Variants in MYO16 observed in about 807,000 individuals in gnomAD.
The protein encoded by MYO16 is myosin XVI.
In MYO16, 94 loss-of-function variants were observed where a neutral mutation model predicts 205.3. The ratio of observed to expected loss-of-function variants is 0.46; its 90% CI spans 0.39 to 0.54. The LOEUF (loss-of-function observed/expected upper bound fraction) is 0.54, where lower values mean the gene tolerates loss of function less well. MYO16 is among the 20% of genes least tolerant of loss of function. The probability of loss-of-function intolerance (pLI) is 0.00; values close to 1 mark genes in which losing one functional copy is unlikely to be tolerated. For missense variants in MYO16, 2,315 were observed against 2,387.5 expected (o/e 0.97, Z 0.63); for synonymous variants, 988 against 954.0 (o/e 1.04, Z -0.66).
chr13:109,016,787 C>CT (rs200548631), intron 22 of MYO16, among the ~76,000 whole-genome samples: 5,180 of 151,268 alleles, frequency 0.034, 117 homozygotes, highest in Non-Finnish European at 0.051. Context: ...GCAAATGCTG[C>CT]TTTTTTTGTT....
intron 27 of MYO16, among the ~76,000 whole-genome samples, chr13:109,068,818 T>C (rs1044625923): frequency 3.3e-5 from 5 of 152,208 alleles, no homozygotes; most frequent in African/African-American, 1.2e-4. Context: ...CTCAAACTCC[T>C]GACCTCAGGT....
chr13:108,690,834 T>C (rs1882867311), intron 2 of MYO16, among the ~76,000 whole-genome samples: 1 of 152,198 alleles, frequency 6.6e-6, no homozygotes, highest in African/African-American at 2.4e-5. Flanking sequence ...AATAGTATCA[T>C]AGCCCCACAA....
At chr13:108,780,006 C>A (rs575358043) in intron 4 of MYO16, 2 of 152,278 alleles carry the variant, frequency 1.3e-5, no homozygotes, top group South Asian at 4.1e-4. Context: ...AAGCACCTAG[C>A]CATAAATTGC....
At chr13:109,089,131 A>G (rs1013041431) in intron 27 of MYO16, among the ~76,000 whole-genome samples, 6 of 152,136 alleles carry the variant, frequency 3.9e-5, no homozygotes, top group African/African-American at 1.4e-4. Flanking sequence ...AATTTAAGGC[A>G]AAAGCAATCA....
intron 16 of MYO16, among the ~76,000 whole-genome samples, chr13:108,938,444 C>T (rs978256119): frequency 6.6e-6 from 1 of 152,248 alleles, no homozygotes; most frequent in Non-Finnish European, 1.5e-5. Flanking sequence ...CACAGGTCCC[C>T]TCTTGGCAGG....
At chr13:108,645,375 G>A (rs988012960) in intron 1 of MYO16, among the ~76,000 whole-genome samples, 4 of 152,156 alleles carry the variant, frequency 2.6e-5, no homozygotes, top group Admixed American at 1.3e-4. Context: ...CAGTGTCTAC[G>A]ATAGTTTGCA....
chr13:108,972,482 C>T (rs1040229298), intron 20 of MYO16, among the ~76,000 whole-genome samples: 6 of 141,664 alleles, frequency 4.2e-5, no homozygotes. Context: ...AGATGACTCA[C>T]ATGGTGGACA....
intron 4 of MYO16, among the ~76,000 whole-genome samples, chr13:108,751,214 CAG>C (rs945353491): frequency 6.6e-6 from 1 of 151,930 alleles, no homozygotes; most frequent in African/African-American, 2.4e-5. Flanking sequence ...CAAACAAAAA[CAG>C]GGATTTTTGG....
chr13:108,902,198 A>G (rs929056134), intron 15 of MYO16, among the ~76,000 whole-genome samples: 3 of 152,184 alleles, frequency 2.0e-5, no homozygotes, highest in Non-Finnish European at 4.4e-5. Context: ...AGAAGCTGCC[A>G]TGGAACATCC....
Position 109,052,459 on chromosome 13 carries a change from AT to A in MYO16, c.3033del (p.Leu1012Ter). On this transcript the variant is annotated frameshift_variant, in exon 25 of 35. Coordinates refer to ENST00000457511, the MANE Select transcript of MYO16 (RefSeq NM_001198950.3). LOFTEE classifies it high-confidence loss of function. ...TCAATTATTGGAGAAAACAAGAATT[AT>A]CTAGAACTTAGTAAGGTAGGAGTTT... The part of the protein sequence containing the change: ...ASSIIGENKN[Y>X]LELSKLLKKK... The A allele has an allele frequency of 6.2e-7, 1 of 1,606,668 alleles. No homozygotes were observed. Among genetic ancestry groups the A allele is most frequent in the African/African-American group, 1.3e-5 (1 of 74,764 alleles).
At chr13:108,504,462 ACT>A in the MYO16 span, among the ~76,000 whole-genome samples, 1 of 150,996 alleles carries the variant, frequency 6.6e-6, no homozygotes, top group African/African-American at 2.4e-5. Flanking sequence ...CAAAGCCGAA[ACT>A]CTACACCCAT....
intron 15 of MYO16, among the ~76,000 whole-genome samples, chr13:108,904,050 C>A (rs1180763854): frequency 2.0e-5 from 3 of 152,124 alleles, no homozygotes; most frequent in Non-Finnish European, 2.9e-5. Flanking sequence ...TTCATTGTTA[C>A]TATTAGTTAC....
intron 6 of MYO16, among the ~76,000 whole-genome samples, chr13:108,794,353 T>C (rs551135401): frequency 6.6e-6 from 1 of 152,242 alleles, no homozygotes; most frequent in Non-Finnish European, 1.5e-5. Context: ...AAATGCAAAA[T>C]GCTTATGCCA....
chr13:109,007,007 A>G (rs924282374), intron 21 of MYO16, among the ~76,000 whole-genome samples: 1 of 152,176 alleles, frequency 6.6e-6, no homozygotes, highest in Non-Finnish European at 1.5e-5. Flanking sequence ...GCTCCATGGA[A>G]GAAGAGAAAC....
chr13:109,169,430 T>A (rs2139889515), intron 33 of MYO16, among the ~76,000 whole-genome samples: 1 of 152,230 alleles, frequency 6.6e-6, no homozygotes, highest in East Asian at 1.9e-4. Flanking sequence ...TTTTAAAAAA[T>A]TATCTTTGAA....
chr13:108,562,886 C>T, the MYO16 span, among the ~76,000 whole-genome samples: 1 of 152,034 alleles, frequency 6.6e-6, no homozygotes, highest in African/African-American at 2.4e-5. Context: ...CAGAATGTAT[C>T]CTCATTGTTA....
intron 16 of MYO16, among the ~76,000 whole-genome samples, chr13:108,943,044 A>G (rs1190894855): frequency 1.3e-5 from 2 of 152,338 alleles, no homozygotes; most frequent in East Asian, 1.9e-4. Context: ...ATTTAAAAGG[A>G]TATCAATTGG....
Position 109,141,435 on chromosome 13 carries a change from T to A in MYO16, c.5164+59T>A. The A allele has an allele frequency of 8.8e-7, 1 of 1,142,314 alleles. No homozygotes were observed. Among genetic ancestry groups the A allele is most frequent in the Non-Finnish European group, 1.2e-6 (1 of 845,970 alleles). The allele number at this position is 1,142,314 out of a possible 1,614,324, so 70.8% of individuals were successfully genotyped here. On this transcript the variant is annotated intron_variant, in intron 32 of 34. Coordinates refer to ENST00000457511, the MANE Select transcript of MYO16 (RefSeq NM_001198950.3). This position sits in a 1 kb window ranked among gnomAD's most constrained non-coding sequence, Gnocchi z 4.1. ...CATGGACGCTGTGCTTGCGTGCACC[T>A]GTGTACATCCGTGTCTGCGCAGATG...
the MYO16 span, among the ~76,000 whole-genome samples, chr13:108,538,187 A>G: frequency 2.0e-5 from 3 of 152,108 alleles, no homozygotes; most frequent in African/African-American, 7.2e-5. Context: ...AATTTAATCC[A>G]TGAAAGTAGA....
Sources: allele counts gnomAD v4.1 joint callset (sites outside exome capture counted in the v4.1 genomes callset), GRCh38; gene constraint gnomAD v4.1.1; non-coding constraint Gnocchi (gnomAD v3.1); transcripts MANE v1.5; gene names NCBI Gene and HGNC (gene_info 2026-07-23, HGNC 2026-07-21).